CCDC171: variants seen among roughly 807,000 people sequenced by gnomAD.
CCDC171 encodes coiled-coil domain containing 171.
In CCDC171, 177 loss-of-function variants were observed where a neutral mutation model predicts 168.2. That is an observed-to-expected ratio of 1.05 (90% confidence interval 0.93 to 1.19). The LOEUF (loss-of-function observed/expected upper bound fraction) is 1.19, where lower values mean the gene tolerates loss of function less well. Among genes scored for constraint, CCDC171 ranks in the 50% most tolerant of loss-of-function variants. The pLI is 0.00. For synonymous variants in CCDC171, 687 were observed against 540.8 expected, an observed-to-expected ratio of 1.27 and a Z score of -3.75; for missense variants, 1,991 against 1,539.0, an observed-to-expected ratio of 1.29 and a Z score of -4.91.
At chr9:15,990,644 C>T (rs193125647) in intron 3 of CCDC171, among the ~76,000 whole-genome samples, 148 of 152,196 alleles carry the variant, frequency 9.7e-4, no homozygotes, top group African/African-American at 3.4e-3. Context: ...CTGGATAAAG[C>T]GTCAAGACCC....
chr9:15,707,869 A>G (rs1315657516), intron 11 of CCDC171, among the ~76,000 whole-genome samples: 1 of 152,192 alleles, frequency 6.6e-6, no homozygotes, highest in East Asian at 1.9e-4. Context: ...TTATTTTGAG[A>G]TGGAGTCTTG....
exon 6 of CCDC171, chr9:16,022,903 T>C (rs754473799): frequency 2.6e-5 from 4 of 152,232 alleles, no homozygotes; most frequent in East Asian, 1.9e-4. Context: ...AGGAGGTTGA[T>C]GCATGGTAAG....
At chr9:15,750,295 A>T (rs1225835221) in intron 18 of CCDC171, among the ~76,000 whole-genome samples, 1 of 152,190 alleles carries the variant, frequency 6.6e-6, no homozygotes, top group Non-Finnish European at 1.5e-5. Flanking sequence ...TGAATAGACC[A>T]ATAACAGGTT....
At chr9:16,030,411 A>C (rs1162204155) in intron 6 of CCDC171, among the ~76,000 whole-genome samples, 5 of 152,228 alleles carry the variant, frequency 3.3e-5, no homozygotes, top group Non-Finnish European at 1.5e-5. Context: ...AGATATAAAA[A>C]TGTGTATAGA....
chr9:16,092,239 A>C, the CCDC171 span, among the ~76,000 whole-genome samples: 1 of 152,220 alleles, frequency 6.6e-6, no homozygotes, highest in Non-Finnish European at 1.5e-5. Flanking sequence ...GACATTCCTC[A>C]GACAAGGGGT....
intron 25 of CCDC171, among the ~76,000 whole-genome samples, chr9:15,925,473 G>A (rs1184247923): frequency 6.7e-6 from 1 of 148,542 alleles, no homozygotes; most frequent in Non-Finnish European, 1.5e-5. Flanking sequence ...AAGGGCAGAG[G>A]TCAGACTTTG....
At chr9:15,847,062 A>G (rs1377375893) in intron 22 of CCDC171, among the ~76,000 whole-genome samples, 4 of 152,126 alleles carry the variant, frequency 2.6e-5, no homozygotes, top group Admixed American at 6.6e-5. Context: ...ATAAGCTTCT[A>G]TGTAACCTCT....
At chr9:15,914,165 G>A (rs1444179199) in intron 24 of CCDC171, among the ~76,000 whole-genome samples, 1 of 152,186 alleles carries the variant, frequency 6.6e-6, no homozygotes, top group Non-Finnish European at 1.5e-5. Context: ...AGCAGAGCTC[G>A]AGTGCTGTGC....
chr9:15,786,029 G>A (rs1167674588), intron 21 of CCDC171, among the ~76,000 whole-genome samples: 2 of 151,746 alleles, frequency 1.3e-5, no homozygotes, highest in African/African-American at 4.8e-5. Flanking sequence ...ATTTAAAGAG[G>A]AAAATATAGA....
intron 9 of CCDC171, among the ~76,000 whole-genome samples, chr9:15,671,122 G>A (rs545869402): frequency 6.6e-6 from 1 of 152,240 alleles, no homozygotes; most frequent in East Asian, 1.9e-4. Context: ...AATACTTGCA[G>A]AATCAACAGA....
At chr9:16,032,547 C>T (rs1401590193) in intron 6 of CCDC171, among the ~76,000 whole-genome samples, 1 of 152,194 alleles carries the variant, frequency 6.6e-6, no homozygotes, top group African/African-American at 2.4e-5. Flanking sequence ...GGAATGTTTT[C>T]TCATCTGTAC....
At chr9:15,681,496 G>T (rs1564200366) in intron 10 of CCDC171, among the ~76,000 whole-genome samples, 1 of 151,878 alleles carries the variant, frequency 6.6e-6, no homozygotes, top group Non-Finnish European at 1.5e-5. Flanking sequence ...TATTAGAGCT[G>T]CTGTTCTCTA....
At chr9:15,575,265 GA>G (rs1345302953) in intron 3 of CCDC171, among the ~76,000 whole-genome samples, 1 of 149,986 alleles carries the variant, frequency 6.7e-6, no homozygotes, top group East Asian at 2.0e-4. Flanking sequence ...CGAACTCCTG[GA>G]CTCAAGTGAT....
chr9:15,980,883 C>T (rs545706612), intron 3 of CCDC171, among the ~76,000 whole-genome samples: 2 of 142,230 alleles, frequency 1.4e-5, no homozygotes, highest in East Asian at 2.2e-4. Context: ...ATACCAGAGA[C>T]TGAGTAATTT....
chr9:15,581,177 C>T (rs2041082953), intron 4 of CCDC171, among the ~76,000 whole-genome samples: 1 of 152,104 alleles, frequency 6.6e-6, no homozygotes, highest in South Asian at 2.1e-4. Context: ...AACTCCCATT[C>T]ACAATTGCTA....
intron 3 of CCDC171, among the ~76,000 whole-genome samples, chr9:15,574,122 A>G (rs757839159): frequency 5.9e-5 from 9 of 151,646 alleles, no homozygotes; most frequent in Non-Finnish European, 1.3e-4. Context: ...TTATTTTTTC[A>G]ATTATTTCTT....
chr9:15,615,866 C>T (rs1356018776), intron 6 of CCDC171, among the ~76,000 whole-genome samples: 1 of 151,812 alleles, frequency 6.6e-6, no homozygotes, highest in African/African-American at 2.4e-5. Flanking sequence ...GCAGCCTCTG[C>T]CTCCTAGGCA....
chr9:15,689,397 C>G (rs912864076), intron 10 of CCDC171, among the ~76,000 whole-genome samples: 26 of 152,192 alleles, frequency 1.7e-4, no homozygotes, highest in East Asian at 3.9e-4. Context: ...AATTGACAAG[C>G]AGATCCTAAA....
At chr9:15,670,081 T>C (rs2049005114) in intron 9 of CCDC171, among the ~76,000 whole-genome samples, 1 of 151,720 alleles carries the variant, frequency 6.6e-6, no homozygotes, top group Admixed American at 6.6e-5. Context: ...CCCTTTCCCA[T>C]CAGAATTCAG....
Sources: gnomAD v4.1 joint callset for allele counts (sites outside exome capture counted in the v4.1 genomes callset) on GRCh38, gnomAD v4.1.1 for gene constraint, MANE v1.5 for transcripts, NCBI Gene and HGNC (gene_info 2026-07-23, HGNC 2026-07-21) for gene names.